STK10: variants seen among roughly 807,000 people sequenced by gnomAD.
STK10 encodes the protein serine/threonine-protein kinase 10.
STK10 carries 78 observed loss-of-function variants against 113.8 expected under a neutral mutation model. The ratio of observed to expected loss-of-function variants is 0.69; its 90% CI spans 0.57 to 0.83. The LOEUF (loss-of-function observed/expected upper bound fraction) is 0.83, where lower values mean the gene tolerates loss of function less well. STK10 is among the 40% of genes least tolerant of loss of function. The pLI, the probability that STK10 is intolerant of heterozygous loss-of-function variation, is 0.00. For missense variants in STK10, 1,109 were observed against 1,280.1 expected, an observed-to-expected ratio of 0.87 and a Z score of 2.04; for synonymous variants, 465 against 494.7, an observed-to-expected ratio of 0.94 and a Z score of 0.80.
At chr5:172,159,673 A>G (rs1189968724) in intron 1 of STK10, among the ~76,000 whole-genome samples, 3 of 152,050 alleles carry the variant, frequency 2.0e-5, no homozygotes, top group Non-Finnish European at 2.9e-5. Flanking sequence ...ATACCAAAAA[A>G]TCAGCTGGGC....
chr5:172,070,753 G>C (rs965976196), intron 12 of STK10, among the ~76,000 whole-genome samples: 7 of 151,750 alleles, frequency 4.6e-5, no homozygotes, highest in African/African-American at 1.7e-4. Flanking sequence ...GGAGAAGGAG[G>C]ATGAGAAGAT....
At chr5:172,156,554 C>T in intron 2 of STK10, 70 bp downstream of exon 2, 1 of 1,535,060 alleles carries the variant, frequency 6.5e-7, no homozygotes, top group South Asian at 1.2e-5. Context: ...CTGAAGACTT[C>T]AGGACCAGGC....
intron 7 of STK10, among the ~76,000 whole-genome samples, chr5:172,101,470 CAAA>C (rs796588690): frequency 6.9e-5 from 5 of 72,602 alleles, no homozygotes; most frequent in African/African-American, 3.7e-5. Flanking sequence ...ACTCCGTCTC[CAAA>C]AAAAAAAAAA....
intron 18 of STK10, 152 bp from the exon 19 acceptor site, chr5:172,045,174 C>T: frequency 8.4e-7 from 1 of 1,188,006 alleles, no homozygotes; most frequent in Non-Finnish European, 1.2e-6. Flanking sequence ...TATTTCCTAC[C>T]CTAGAGCTCC....
intron 2 of STK10, among the ~76,000 whole-genome samples, chr5:172,150,061 A>AAG: frequency 6.7e-6 from 1 of 149,676 alleles, no homozygotes; most frequent in African/African-American, 2.5e-5. Flanking sequence ...AAAAAAAAAA[A>AAG]AAAAAAGAAA....
rs564911377 is a variant in STK10, at chr5:172,116,618, A to G, written c.520+863T>C. ...CGGGGTGGTTCACACCTGTAATCCC[A>G]GCACTTTGGGAGGCCGAGGCGGGTG... On this transcript the variant is annotated intron_variant, in intron 4 of 18. Transcript: ENST00000176763. Among the ~76,000 whole-genome samples the G allele has an allele frequency of 3.6e-3, 540 of 152,104 alleles. 2 individuals carry two copies. Among genetic ancestry groups the G allele is most frequent in the African/African-American group, 0.012 (514 of 41,532 alleles).
intron 18 of STK10, among the ~76,000 whole-genome samples, chr5:172,049,196 A>G (rs1767572068): frequency 6.6e-6 from 1 of 152,142 alleles, no homozygotes; most frequent in South Asian, 2.1e-4. Flanking sequence ...AGAGTCTGAA[A>G]CAGCGTGGGG....
chr5:172,154,731 T>A (rs1770311477), intron 2 of STK10, among the ~76,000 whole-genome samples: 1 of 152,230 alleles, frequency 6.6e-6, no homozygotes, highest in Non-Finnish European at 1.5e-5. Flanking sequence ...GCAGTCTAGT[T>A]ACAAACTGTG....
At chr5:172,058,981 T>C (rs1262939111) in intron 14 of STK10, among the ~76,000 whole-genome samples, 2 of 151,832 alleles carry the variant, frequency 1.3e-5, no homozygotes, top group Non-Finnish European at 2.9e-5. Flanking sequence ...CCTAGCACTT[T>C]GGGAGGCCGA....
chr5:172,141,422 C>CA (rs34851359), intron 2 of STK10, among the ~76,000 whole-genome samples: 11,860 of 150,476 alleles, frequency 0.079, 613 homozygotes, highest in South Asian at 0.15. Context: ...ACAAAAAATA[C>CA]AAAAAAAAAT....
chr5:172,148,872 T>C (rs1770144738), intron 2 of STK10, among the ~76,000 whole-genome samples: 1 of 152,174 alleles, frequency 6.6e-6, no homozygotes, highest in Admixed American at 6.5e-5. Context: ...TCTTCACATC[T>C]GTAAAATGGG....
intron 7 of STK10, among the ~76,000 whole-genome samples, chr5:172,102,910 C>G (rs1769020969): frequency 7.6e-6 from 1 of 131,502 alleles, no homozygotes; most frequent in Non-Finnish European, 1.5e-5. Flanking sequence ...GAGTGAGAAC[C>G]ATGCAGATTC....
intron 4 of STK10, chr5:172,115,053 ATTTT>A (rs1285422394): frequency 6.6e-6 from 1 of 151,300 alleles, no homozygotes; most frequent in African/African-American, 2.4e-5. Context: ...GTAGACCGCA[ATTTT>A]TTTTTCTGGC....
At chr5:172,179,623 A>G (rs1267335247) in intron 1 of STK10, among the ~76,000 whole-genome samples, 1 of 110,206 alleles carries the variant, frequency 9.1e-6, no homozygotes, top group Admixed American at 8.5e-5. Context: ...GCAGAAGCCG[A>G]AGGGCGTCAT....
intron 4 of STK10, chr5:172,114,801 C>G (rs1043714742): frequency 6.6e-6 from 1 of 151,704 alleles, no homozygotes; most frequent in Non-Finnish European, 1.5e-5. Context: ...TTATTTTCTT[C>G]CGTTTTTTAG....
chr5:172,059,870 T>C (rs1283912389), intron 14 of STK10, among the ~76,000 whole-genome samples: 1 of 152,178 alleles, frequency 6.6e-6, no homozygotes, highest in African/African-American at 2.4e-5. Context: ...CAGAAATCCC[T>C]TGAACTCCCA....
In STK10 at chr5:172,096,543, G is replaced by A. The variant is rs201131286; in HGVS notation, c.888C>T (p.Ser296=). Residue 296 remains serine, a synonymous_variant, in exon 8 of 19, where the codon AGC becomes AGT. Coordinates refer to ENST00000176763, the MANE Select transcript of STK10 (RefSeq NM_005990.4). ...AQLLEHPFVS[S]ITSNKALREL... ...CCCGCAGAGCCTTGTTACTGGTGAT[G>A]CTGCTGACGAAGGGATGCTGAGGGG... 7.8e-4 allele frequency: 1,266 copies of A among 1,613,498 alleles called. 20 individuals are homozygous for A. In the South Asian group the frequency reaches 0.013, roughly 17 times the overall value.
At chr5:172,108,663 C>A (rs1769169291) in intron 4 of STK10, among the ~76,000 whole-genome samples, 1 of 151,028 alleles carries the variant, frequency 6.6e-6, no homozygotes, top group South Asian at 2.1e-4. Flanking sequence ...CATGTCCCTG[C>A]AGTCCCAATT....
intron 16 of STK10, 45 bp downstream of exon 16, chr5:172,055,543 C>T: frequency 2.2e-6 from 3 of 1,378,308 alleles, no homozygotes; most frequent in Non-Finnish European, 2.8e-6. Context: ...CCTGGCCCTG[C>T]CTACACCCCA....
Sources: gnomAD v4.1 joint callset for allele counts (sites outside exome capture counted in the v4.1 genomes callset) on GRCh38, gnomAD v4.1.1 for gene constraint, MANE v1.5 for transcripts, NCBI Gene and HGNC (gene_info 2026-07-23, HGNC 2026-07-21) for gene names.